Variants in KRT73 observed in about 807,000 individuals in gnomAD.
The protein encoded by KRT73 is keratin, type II cytoskeletal 73.
KRT73 carries 44 observed loss-of-function variants against 47.2 expected under a neutral mutation model. The ratio of observed to expected loss-of-function variants is 0.93; its 90% CI spans 0.73 to 1.20. The LOEUF (loss-of-function observed/expected upper bound fraction) is 1.20, where lower values mean the gene tolerates loss of function less well. Ranked by LOEUF, KRT73 falls within the 50% of genes most tolerant of loss-of-function variation. The pLI is 0.00. For synonymous variants in KRT73, 285 were observed against 291.3 expected (o/e 0.98, Z 0.22); for missense variants, 713 against 704.5 (o/e 1.01, Z -0.14).
intron 3 of KRT73, 162 bp downstream of exon 3, chr12:52,615,117 C>T (rs1940789166): frequency 3.3e-6 from 2 of 604,942 alleles, no homozygotes; most frequent in Non-Finnish European, 5.9e-6. Context: ...GCTAAACCAA[C>T]ACCAGGTGTC....
At chr12:52,616,016 T>A in intron 2 of KRT73, 150 bp downstream of exon 2, 1 of 881,788 alleles carries the variant, frequency 1.1e-6, no homozygotes, top group South Asian at 1.8e-5. Context: ...GGTTGTCCAC[T>A]GTCTAGTCTG....
chr12:52,618,047 C>A (rs368992648), intron 1 of KRT73, 31 bp downstream of exon 1: 2 of 1,606,276 alleles, frequency 1.2e-6, no homozygotes, highest in African/African-American at 1.3e-5. Context: ...AAAAGGGGAG[C>A]CCAAGATCAG....
intron 8 of KRT73, 60 bp from the exon 9 acceptor site, chr12:52,608,512 T>A (rs1398901369): frequency 6.9e-7 from 1 of 1,457,188 alleles, no homozygotes; most frequent in Admixed American, 2.2e-5. Context: ...TGGCCTTAAG[T>A]CCCCCTCCAA....
rs77899022 is a variant in KRT73, at chr12:52,615,902, G to C, written c.662+264C>G. 7.5e-4 allele frequency among the ~76,000 whole-genome samples: 115 copies of C among 152,322 alleles called. 2 individuals carry two copies. The East Asian group carries it at 0.016, about 22-fold the overall frequency. On this transcript the variant is annotated intron_variant, in intron 2 of 8. Transcript: ENST00000305748. Reference sequence around the variant, plus strand: ...ACAGTGGTGAGCTTAGGAGCCAAGAGGCTGCGGCACACACAATACAGGCTC... The same window carrying C: ...ACAGTGGTGAGCTTAGGAGCCAAGACGCTGCGGCACACACAATACAGGCTC...
chr12:52,626,440 A>G, the KRT73 span, among the ~76,000 whole-genome samples: 2 of 151,868 alleles, frequency 1.3e-5, no homozygotes, highest in Non-Finnish European at 2.9e-5. Flanking sequence ...GAGCTTGGAG[A>G]GTTTCTTAAA....
the KRT73 span, among the ~76,000 whole-genome samples, chr12:52,627,720 G>A: frequency 1.6e-4 from 24 of 152,186 alleles, no homozygotes; most frequent in Admixed American, 6.5e-5. Context: ...ACACCAGCTT[G>A]GCCACCAAAC....
chr12:52,614,275 G>A (rs1396575019), intron 4 of KRT73: 12 of 376,950 alleles, frequency 3.2e-5, no homozygotes, highest in South Asian at 3.1e-4. Context: ...AAGACCCCAG[G>A]AAACATCCCC....
chr12:52,610,485 T>A (rs938371365), intron 7 of KRT73, 130 bp downstream of exon 7: 2 of 862,982 alleles, frequency 2.3e-6, no homozygotes, highest in African/African-American at 1.7e-5. Context: ...GGATGCTGTT[T>A]GAAACTATGC....
At chr12:52,624,498 C>T in the KRT73 span, among the ~76,000 whole-genome samples, 2 of 151,968 alleles carry the variant, frequency 1.3e-5, no homozygotes. Context: ...CCAAGATAGG[C>T]CATACTCTGG....
intron 5 of KRT73, among the ~76,000 whole-genome samples, chr12:52,613,176 T>C (rs553855312): frequency 6.6e-5 from 10 of 152,168 alleles, no homozygotes; most frequent in Non-Finnish European, 1.5e-4. Context: ...AGAAACCAAA[T>C]TATCTAAAGA....
rs770012095 is a variant in KRT73 at position 52,610,764 on chromosome 12, G to C, written c.1182C>G (p.Ala394=). The C allele has an allele frequency of 8.1e-6, 13 of 1,613,782 alleles. No homozygotes were observed. The South Asian group carries it at 1.4e-4, about 18-fold the overall frequency. The change falls in exon 7 of 9, where the codon GCC becomes GCG. Residue 394 remains alanine (A), a synonymous_variant. Coordinates refer to ENST00000305748, the MANE Select transcript of KRT73 (RefSeq NM_175068.3). ...GGGCGCCCTCCAGCTCATCCAGCTT[G>C]GCCCTGGCATCCTTGAGGGCACAGT... ...RGDCALKDAR[A]KLDELEGALQ... is the part of the protein sequence containing the mutation.
Position 52,608,193 on chromosome 12 carries a change from CT to C in KRT73, c.*2del. ...CTACTGGGAAATGGGCTGTGTTGCACTTTTATCTCATGGTTTTTTTGGTGGG... is the reference window on the plus strand; with the variant it reads ...CTACTGGGAAATGGGCTGTGTTGCACTTTATCTCATGGTTTTTTTGGTGGG... On this transcript the variant is annotated 3_prime_UTR_variant, in exon 9 of 9. Transcript: ENST00000305748. 1 of 1,609,220 alleles carries C rather than the reference CT, an allele frequency of 6.2e-7. No individual in the cohort carries two copies. The highest frequency in any genetic ancestry group is 8.5e-7 in the Non-Finnish European group (1 of 1,177,460).
At chr12:52,626,209 C>T in the KRT73 span, among the ~76,000 whole-genome samples, 1 of 152,154 alleles carries the variant, frequency 6.6e-6, no homozygotes, top group Admixed American at 6.5e-5. Flanking sequence ...TTCAAAATAA[C>T]CCCATCAAGA....
chr12:52,625,620 A>G, the KRT73 span, among the ~76,000 whole-genome samples: 1 of 152,210 alleles, frequency 6.6e-6, no homozygotes, highest in Non-Finnish European at 1.5e-5. Context: ...CATCCCAGCA[A>G]TTACAAACCT....
At chr12:52,622,304 C>T (rs1439971116), upstream of KRT73, among the ~76,000 whole-genome samples, 2 of 152,140 alleles carry the variant, frequency 1.3e-5, no homozygotes, top group Non-Finnish European at 2.9e-5. Context: ...ACCAGAAGAA[C>T]TAAATGAAAG....
At chr12:52,611,625 G>A (rs74319995) in intron 5 of KRT73, among the ~76,000 whole-genome samples, 3,739 of 152,154 alleles carry the variant, frequency 0.025, 74 homozygotes, top group Middle Eastern at 0.044. Context: ...TCTGCCTATC[G>A]TCCTTCAAAG....
chr12:52,620,089 GA>G (rs1940876888), upstream of KRT73, among the ~76,000 whole-genome samples: 1 of 147,644 alleles, frequency 6.8e-6, no homozygotes, highest in Non-Finnish European at 1.5e-5. Context: ...TAGCTAACAT[GA>G]AGTTCTATTC....
At position 52,608,539 on chromosome 12, in the gene KRT73, G is replaced by A. The variant is rs1312742812; in HGVS notation, c.1367-87C>T. 4 of 1,188,704 alleles carry A rather than the reference G, an allele frequency of 3.4e-6. No individual in the cohort carries two copies. In the East Asian group the frequency reaches 7.8e-5, roughly 23 times the overall value. 73.6% of individuals were successfully genotyped at this position (1,188,704 alleles called of 1,614,324 possible). ...CCCCTCCAACCTCCCAGCCCCACTA[G>A]CTTAAATACCTCCTTCTTAAGCAAA... On this transcript the variant is annotated intron_variant, in intron 8 of 8. Transcript: ENST00000305748.
chr12:52,618,007 A>G (rs1940844147), intron 1 of KRT73, 71 bp downstream of exon 1: 3 of 1,496,532 alleles, frequency 2.0e-6, no homozygotes, highest in South Asian at 1.3e-5. Context: ...TGAACCACAA[A>G]TTAGGGCAGT....
Sources: gnomAD v4.1 joint callset for allele counts (sites outside exome capture counted in the v4.1 genomes callset) on GRCh38, gnomAD v4.1.1 for gene constraint, MANE v1.5 for transcripts, NCBI Gene and HGNC (gene_info 2026-07-23, HGNC 2026-07-21) for gene names.